The following CNTNAP5 variants were observed in gnomAD, a reference collection of about 807,000 sequenced individuals.
CNTNAP5 encodes the protein contactin-associated protein-like 5.
Under a neutral mutation model 150.2 loss-of-function variants are expected in CNTNAP5, and 72 were observed. That is an observed-to-expected ratio of 0.48 (90% CI 0.40 to 0.58). The LOEUF is 0.58. CNTNAP5 is among the 20% of genes least tolerant of loss of function. The pLI is 0.00. For missense variants in CNTNAP5, 1,636 were observed against 1,626.2 expected, an observed-to-expected ratio of 1.01 and a Z score of -0.10; for synonymous variants, 672 against 619.8, an observed-to-expected ratio of 1.08 and a Z score of -1.25.
chr2:124,441,442 T>C (rs1692671809), intron 5 of CNTNAP5, among the ~76,000 whole-genome samples: 1 of 152,110 alleles, frequency 6.6e-6, no homozygotes. Context: ...AGTGCTTATT[T>C]GTGCCTTTTC....
intron 1 of CNTNAP5, among the ~76,000 whole-genome samples, chr2:124,162,669 G>A (rs1684712702): frequency 6.6e-6 from 1 of 152,112 alleles, no homozygotes; most frequent in Non-Finnish European, 1.5e-5. Context: ...ATAAGGGTAA[G>A]ATTAAAATTT....
At chr2:124,338,993 A>G (rs981719589) in intron 3 of CNTNAP5, among the ~76,000 whole-genome samples, 1 of 152,146 alleles carries the variant, frequency 6.6e-6, no homozygotes, top group Non-Finnish European at 1.5e-5. Context: ...AACATAATCT[A>G]TCTGAGACTT....
intron 13 of CNTNAP5, among the ~76,000 whole-genome samples, chr2:124,714,618 G>A (rs916353386): frequency 4.6e-5 from 7 of 151,820 alleles, no homozygotes; most frequent in African/African-American, 1.7e-4. Flanking sequence ...CCTAGTTAGG[G>A]AATTCTAAAT....
chr2:124,293,956 A>T (rs1449271425), intron 3 of CNTNAP5, among the ~76,000 whole-genome samples: 1 of 152,202 alleles, frequency 6.6e-6, no homozygotes, highest in East Asian at 1.9e-4. Context: ...ATATAGGGAC[A>T]ACATGGATGT....
At position 124,555,605 on chromosome 2, in the gene CNTNAP5, G is replaced by T. The variant is rs73952808; in HGVS notation, c.1650-7612G>T. ...TTGGTAGGTTAAATGATTTTATTTG[G>T]CTTGCAATGATAACTAATAAGGTCT... On this transcript the variant is annotated intron_variant, in intron 10 of 23. Transcript: ENST00000682447. 7.5e-3 allele frequency among the ~76,000 whole-genome samples: 1,148 copies of T among 152,258 alleles called. 13 individuals are homozygous for T. The highest frequency in any genetic ancestry group is 0.026 in the African/African-American group (1,087 of 41,540).
chr2:124,879,815 G>T (rs748076209), intron 21 of CNTNAP5, among the ~76,000 whole-genome samples: 1 of 152,024 alleles, frequency 6.6e-6, no homozygotes, highest in Non-Finnish European at 1.5e-5. Context: ...TTTGCCCTTT[G>T]CCTGGGGAAT....
chr2:124,257,616 A>C (rs1047711423), intron 3 of CNTNAP5, among the ~76,000 whole-genome samples: 11 of 152,082 alleles, frequency 7.2e-5, no homozygotes, highest in Non-Finnish European at 1.5e-4. Context: ...TGATTCAATT[A>C]CTTCAAGTAA....
intron 19 of CNTNAP5, among the ~76,000 whole-genome samples, chr2:124,851,075 G>C (rs567764002): frequency 6.6e-6 from 1 of 152,270 alleles, no homozygotes; most frequent in South Asian, 2.1e-4. Flanking sequence ...AACATTAAAA[G>C]AGTTGCAGGC....
At chr2:124,265,837 T>TAA (rs112110861) in intron 3 of CNTNAP5, among the ~76,000 whole-genome samples, 49 of 150,602 alleles carry the variant, frequency 3.3e-4, no homozygotes, top group South Asian at 3.2e-3. Flanking sequence ...ATGAGAATGG[T>TAA]AAAAAAAAAC....
chr2:124,762,199 A>G (rs1680970442), intron 14 of CNTNAP5, among the ~76,000 whole-genome samples: 1 of 152,120 alleles, frequency 6.6e-6, no homozygotes, highest in Non-Finnish European at 1.5e-5. Context: ...TATCCTTTGA[A>G]TGGCCTCTAA....
At chr2:124,094,616 T>A (rs1682891826) in intron 1 of CNTNAP5, among the ~76,000 whole-genome samples, 1 of 152,240 alleles carries the variant, frequency 6.6e-6, no homozygotes, top group Admixed American at 6.5e-5. Flanking sequence ...TTTGTTTGTT[T>A]TAATCAATAT....
intron 17 of CNTNAP5, among the ~76,000 whole-genome samples, chr2:124,783,984 G>T (rs1203885192): frequency 6.6e-6 from 1 of 152,146 alleles, no homozygotes; most frequent in Non-Finnish European, 1.5e-5. Context: ...ACTTAAAGAA[G>T]AACATAATTG....
intron 4 of CNTNAP5, among the ~76,000 whole-genome samples, chr2:124,423,508 C>T (rs1196736917): frequency 6.6e-6 from 1 of 151,984 alleles, no homozygotes; most frequent in Non-Finnish European, 1.5e-5. Context: ...AGCTAATTAA[C>T]TTTATTTATT....
chr2:124,883,940 G>A (rs948964453), intron 21 of CNTNAP5, among the ~76,000 whole-genome samples: 5 of 151,184 alleles, frequency 3.3e-5, no homozygotes, highest in Admixed American at 1.3e-4. Context: ...GTCTGTGCTT[G>A]CAAATGTACA....
intron 7 of CNTNAP5, among the ~76,000 whole-genome samples, chr2:124,488,279 TA>T (rs1348884946): frequency 1.3e-5 from 2 of 152,186 alleles, no homozygotes; most frequent in South Asian, 2.1e-4. Flanking sequence ...GCCATGAAAA[TA>T]ACGTGTTGAT....
At chr2:124,679,261 T>C (rs1200837509) in intron 13 of CNTNAP5, among the ~76,000 whole-genome samples, 2 of 151,944 alleles carry the variant, frequency 1.3e-5, no homozygotes, top group East Asian at 3.9e-4. Context: ...TGGCTGCTGG[T>C]GCACACATCA....
chr2:124,070,947 A>T (rs1207462886), intron 1 of CNTNAP5, among the ~76,000 whole-genome samples: 1 of 152,028 alleles, frequency 6.6e-6, no homozygotes, highest in African/African-American at 2.4e-5. Context: ...CATATAGTAG[A>T]CCTCAATACA....
intron 12 of CNTNAP5, among the ~76,000 whole-genome samples, chr2:124,622,155 T>C (rs1677630775): frequency 6.6e-6 from 1 of 151,922 alleles, no homozygotes; most frequent in Admixed American, 6.6e-5. Flanking sequence ...GTGTGTGTTG[T>C]TCCCCCTCCA....
intron 14 of CNTNAP5, among the ~76,000 whole-genome samples, chr2:124,751,642 C>T (rs973454682): frequency 1.3e-5 from 2 of 152,218 alleles, no homozygotes; most frequent in Non-Finnish European, 2.9e-5. Context: ...TTTTAGACCA[C>T]CACACCTCTT....
Sources: allele counts gnomAD v4.1 joint callset (sites outside exome capture counted in the v4.1 genomes callset), GRCh38; gene constraint gnomAD v4.1.1; transcripts MANE v1.5; gene names NCBI Gene and HGNC (gene_info 2026-07-23, HGNC 2026-07-21).